GOLT1A: variants seen among roughly 807,000 people sequenced by gnomAD.
GOLT1A encodes vesicle transport protein GOT1A.
A neutral mutation model predicts 16.1 loss-of-function variants in GOLT1A; 10 were observed. That is an observed-to-expected ratio of 0.62 (90% CI 0.38 to 1.05). GOLT1A has a LOEUF of 1.05. Among genes scored for constraint, GOLT1A ranks in the 50% least tolerant of loss-of-function variants. GOLT1A has a pLI of 0.01. For synonymous variants in GOLT1A, 60 were observed against 67.9 expected (o/e 0.88, Z 0.57); for missense variants, 137 against 165.7 (o/e 0.83, Z 0.95).
chr1:204,204,025 C>T (rs1571674665), intron 1 of GOLT1A, among the ~76,000 whole-genome samples: 1 of 152,190 alleles, frequency 6.6e-6, no homozygotes, highest in African/African-American at 2.4e-5. Context: ...TGTACAATAA[C>T]CGGATATATA....
At position 204,213,898 on chromosome 1, in the gene GOLT1A, G is replaced by A. The variant is rs1659177335; in HGVS notation, c.9C>T (p.Ser3=). The change falls in exon 1 of 5, where the codon TCC becomes TCT. Residue 3 remains serine, a synonymous_variant. Coordinates refer to ENST00000308302, the MANE Select transcript of GOLT1A (RefSeq NM_198447.2). ...CCCACTTACTCTGCCATTCGGTGAT[G>A]GAGATCATGCCGCACTCAGCCTGGG... MI[S]ITEWQKIGVG... 12 of 1,613,402 alleles carry A rather than the reference G, an allele frequency of 7.4e-6. No homozygotes were observed. The East Asian group carries it at 2.7e-4, about 36-fold the overall frequency.
chr1:204,200,248 T>C (rs1228107735), intron 3 of GOLT1A, among the ~76,000 whole-genome samples: 1 of 147,184 alleles, frequency 6.8e-6, no homozygotes, highest in African/African-American at 2.5e-5. Context: ...TAGGTGCTTA[T>C]TATATATTTG....
intron 1 of GOLT1A, among the ~76,000 whole-genome samples, chr1:204,210,134 A>G (rs897837617): frequency 6.6e-6 from 1 of 152,228 alleles, no homozygotes; most frequent in Non-Finnish European, 1.5e-5. Context: ...TCTGCAGGCA[A>G]TGCTCTTGCC....
At position 204,201,784 on chromosome 1, in the gene GOLT1A, T is replaced by C; in HGVS notation, c.145A>G (p.Ile49Val). The stretch of plus-strand genomic sequence containing the variant: ...CAAAAGGTCTTCCTCAGGCCAATGA[T>C]GAGGGACAGGCCCGTCAGGAACAGC... ...NLLFLTGLSL[I>V]IGLRKTFWFF... The change falls in exon 3 of 5, where the codon ATC becomes GTC. Residue 49 changes from isoleucine to valine, a missense_variant. Coordinates refer to ENST00000308302, the MANE Select transcript of GOLT1A (RefSeq NM_198447.2). The C allele has an allele frequency of 6.2e-7, 1 of 1,614,060 alleles. No homozygotes were observed. Among genetic ancestry groups the C allele is most frequent in the South Asian group, 1.1e-5 (1 of 91,084 alleles).
chr1:204,203,103 C>T (rs1658988676), intron 1 of GOLT1A, 116 bp from the exon 2 acceptor site: 2 of 703,200 alleles, frequency 2.8e-6, no homozygotes, highest in African/African-American at 1.8e-5. Context: ...CCACTTCCAT[C>T]CAGGAATCTC....
chr1:204,213,783 G>A (rs2102342351), intron 1 of GOLT1A, 99 bp downstream of exon 1: 2 of 1,381,548 alleles, frequency 1.4e-6, no homozygotes, highest in East Asian at 2.5e-5. Flanking sequence ...GGCTCCAGAG[G>A]TCACGCTTGT....
chr1:204,204,946 T>C (rs1659017166), intron 1 of GOLT1A, among the ~76,000 whole-genome samples: 1 of 152,252 alleles, frequency 6.6e-6, no homozygotes, highest in South Asian at 2.1e-4. Flanking sequence ...CATGTGCTTG[T>C]TAGCTATGTG....
At chr1:204,200,299 G>GTGTGTATATATATATATATATATA in intron 3 of GOLT1A, among the ~76,000 whole-genome samples, 74 of 82,640 alleles carry the variant, frequency 9.0e-4, no homozygotes, top group Middle Eastern at 5.9e-3. Context: ...ACATATATGT[G>GTGTGTATATATATATATATATATA]TATATATATA....
At chr1:204,198,544 T>C (rs3795573) in intron 4 of GOLT1A, 48 bp from the exon 5 acceptor site, 232,123 of 1,565,840 alleles carry the variant, frequency 0.15, 18,338 homozygotes, top group African/African-American at 0.27. Context: ...AGAGAGCAGA[T>C]GCAATATCTA....
At chr1:204,212,501 G>A (rs772688347) in intron 1 of GOLT1A, among the ~76,000 whole-genome samples, 1 of 152,062 alleles carries the variant, frequency 6.6e-6, no homozygotes, top group Non-Finnish European at 1.5e-5. Context: ...GCCAGGTGTG[G>A]TGGTGGGTGC....
intron 1 of GOLT1A, among the ~76,000 whole-genome samples, chr1:204,211,962 G>A (rs1659144093): frequency 6.6e-6 from 1 of 152,048 alleles, no homozygotes. Context: ...AACTGTGCCT[G>A]CCCTCGGTGA....
At chr1:204,206,026 T>C (rs1317598770) in intron 1 of GOLT1A, among the ~76,000 whole-genome samples, 2 of 152,082 alleles carry the variant, frequency 1.3e-5, no homozygotes, top group East Asian at 1.9e-4. Flanking sequence ...GCCGAGATTA[T>C]GCCACTGCAC....
chr1:204,204,175 A>G (rs943262484), intron 1 of GOLT1A, among the ~76,000 whole-genome samples: 9 of 152,300 alleles, frequency 5.9e-5, no homozygotes, highest in Admixed American at 5.9e-4. Flanking sequence ...AAATTGTGGC[A>G]ACGTGCACAT....
At chr1:204,198,980 A>G (rs992422692) in intron 4 of GOLT1A, 2 of 576,104 alleles carry the variant, frequency 3.5e-6, no homozygotes, top group Admixed American at 3.0e-5. Flanking sequence ...CTCAGCTACA[A>G]CTGCGTCTGG....
intron 3 of GOLT1A, among the ~76,000 whole-genome samples, chr1:204,199,721 G>T (rs539188615): frequency 5.3e-5 from 8 of 152,160 alleles, no homozygotes; most frequent in Non-Finnish European, 1.2e-4. Flanking sequence ...GGGGGCTGTT[G>T]GAAGCCATGC....
chr1:204,213,479 G>GGGAGT (rs1659169472), intron 1 of GOLT1A, among the ~76,000 whole-genome samples: 1 of 152,232 alleles, frequency 6.6e-6, no homozygotes, highest in Non-Finnish European at 1.5e-5. Flanking sequence ...GTTTGGTCAG[G>GGGAGT]GGAGTGGAGT....
intron 1 of GOLT1A, among the ~76,000 whole-genome samples, chr1:204,207,569 T>C (rs1659061336): frequency 6.6e-6 from 1 of 152,250 alleles, no homozygotes; most frequent in African/African-American, 2.4e-5. Context: ...CCAGGTTCAA[T>C]GTCTTTCTTG....
chr1:204,202,973 T>G lies in GOLT1A; in HGVS notation c.40A>C (p.Ile14Leu). 1 of 1,613,762 alleles carries G rather than the reference T, an allele frequency of 6.2e-7. No individual in the cohort carries two copies. The highest frequency in any genetic ancestry group is 8.5e-7 in the Non-Finnish European group (1 of 1,179,780). The change falls in exon 2 of 5, where the codon ATC becomes CTC. Residue 14 changes from isoleucine (I) to leucine (L), a missense_variant. Physicochemically the swap from Ile to Leu is conservative, Grantham distance 5. Coordinates refer to ENST00000308302, the MANE Select transcript of GOLT1A (RefSeq NM_198447.2). ...ATGAAGAAGATGCCGAAACCGGTGA[T>G]CCCCACACCAATCTCTGCAATGGGC... is the stretch of plus-strand genomic sequence containing the variant. ...ITEWQKIGVG[I>L]TGFGIFFILF...
chr1:204,198,293 T>A lies in GOLT1A; in HGVS notation c.*165A>T. 1 of 635,180 alleles carries A rather than the reference T, an allele frequency of 1.6e-6. No individual in the cohort carries two copies. The highest frequency in any genetic ancestry group is 2.0e-5 in the South Asian group (1 of 49,292). The allele number at this position is 635,180 out of a possible 1,614,324, so 39.3% of individuals were successfully genotyped here. On this transcript the variant is annotated 3_prime_UTR_variant, in exon 5 of 5. Transcript: ENST00000308302. Reference sequence around the variant, plus strand: ...TTCCTGGCAGCCTCTTGAGTCGACTTGGGGATTTGACGTCAGTTGCTCAGC... The same window carrying A: ...TTCCTGGCAGCCTCTTGAGTCGACTAGGGGATTTGACGTCAGTTGCTCAGC...
Sources: gnomAD v4.1 joint callset for allele counts (sites outside exome capture counted in the v4.1 genomes callset) on GRCh38, gnomAD v4.1.1 for gene constraint, MANE v1.5 for transcripts, NCBI Gene and HGNC (gene_info 2026-07-23, HGNC 2026-07-21) for gene names.